Variants in BICRAL observed in about 807,000 individuals in gnomAD.
BICRAL encodes BICRA like chromatin remodeling complex associated protein, also known as BRD4-interacting chromatin-remodeling complex-associated protein-like.
BICRAL carries 8 observed loss-of-function variants against 91.8 expected under a neutral mutation model. The observed-to-expected ratio is 0.09, with a 90% CI of 0.05 to 0.16. The LOEUF is 0.16. Ranked by LOEUF, BICRAL falls within the 10% of genes least tolerant of loss-of-function variation. The probability of loss-of-function intolerance (pLI) is 1.00; values close to 1 mark genes in which losing one functional copy is unlikely to be tolerated. For synonymous variants in BICRAL, 445 were observed against 491.1 expected (o/e 0.91, Z 1.24); for missense variants, 1,038 against 1,310.9 (o/e 0.79, Z 3.21).
chr6:42,800,644 G>C (rs1201917357), intron 1 of BICRAL, among the ~76,000 whole-genome samples: 1 of 151,754 alleles, frequency 6.6e-6, no homozygotes, highest in Non-Finnish European at 1.5e-5. Context: ...CCGCCTCCTG[G>C]GTTCAAGAGA....
At chr6:42,855,639 A>C (rs2114025443) in intron 8 of BICRAL, among the ~76,000 whole-genome samples, 1 of 152,068 alleles carries the variant, frequency 6.6e-6, no homozygotes, top group South Asian at 2.1e-4. Flanking sequence ...TCAGGAACCG[A>C]TTATACACCT....
intron 6 of BICRAL, among the ~76,000 whole-genome samples, chr6:42,847,973 C>CA (rs1033633802): frequency 6.6e-6 from 1 of 151,852 alleles, no homozygotes; most frequent in Admixed American, 6.6e-5. Context: ...ACTAAAAATA[C>CA]AAAAAATTAG....
At chr6:42,785,720 A>G (rs762015934) in intron 1 of BICRAL, among the ~76,000 whole-genome samples, 4 of 152,178 alleles carry the variant, frequency 2.6e-5, no homozygotes, top group Non-Finnish European at 5.9e-5. Flanking sequence ...GGGAAGTAGG[A>G]TAGTCAAGTT....
intron 1 of BICRAL, among the ~76,000 whole-genome samples, chr6:42,761,183 G>A (rs1582800985): frequency 6.9e-6 from 1 of 145,086 alleles, no homozygotes; most frequent in Non-Finnish European, 1.6e-5. Flanking sequence ...ATAGGGCACC[G>A]GTGGCTCACG....
At chr6:42,764,098 C>T (rs188386105) in intron 1 of BICRAL, among the ~76,000 whole-genome samples, 2,074 of 150,708 alleles carry the variant, frequency 0.014, 57 homozygotes, top group African/African-American at 0.049. Flanking sequence ...AAAAATTAGC[C>T]GGGTGTGGTG....
At chr6:42,761,655 C>T (rs549495668) in intron 1 of BICRAL, among the ~76,000 whole-genome samples, 1 of 151,898 alleles carries the variant, frequency 6.6e-6, no homozygotes, top group Non-Finnish European at 1.5e-5. Context: ...TACTTGTAGT[C>T]CCAGAACTTT....
At chr6:42,823,880 C>T (rs1223790478) in intron 5 of BICRAL, among the ~76,000 whole-genome samples, 1 of 151,636 alleles carries the variant, frequency 6.6e-6, no homozygotes, top group East Asian at 1.9e-4. Context: ...GCCGAGATCC[C>T]GCCACTGCAT....
At chr6:42,811,803 G>A (rs894028281) in intron 2 of BICRAL, among the ~76,000 whole-genome samples, 1 of 152,082 alleles carries the variant, frequency 6.6e-6, no homozygotes, top group Non-Finnish European at 1.5e-5. Flanking sequence ...AGCTCACATA[G>A]GGCAGAGAAT....
chr6:42,819,902 G>T (rs954223483), intron 2 of BICRAL, among the ~76,000 whole-genome samples: 16 of 152,158 alleles, frequency 1.1e-4, no homozygotes, highest in Non-Finnish European at 2.2e-4. Context: ...CTGCTGATAG[G>T]GGGTAGATAT....
At chr6:42,835,547 TG>T (rs1764613077) in intron 6 of BICRAL, among the ~76,000 whole-genome samples, 1 of 151,324 alleles carries the variant, frequency 6.6e-6, no homozygotes, top group Non-Finnish European at 1.5e-5. Flanking sequence ...TTTAAACCAT[TG>T]TAAAAAAAAA....
At chr6:42,802,428 T>TTTG (rs1554277645) in intron 1 of BICRAL, among the ~76,000 whole-genome samples, 1,768 of 104,016 alleles carry the variant, frequency 0.017, 57 homozygotes, top group Admixed American at 0.1. Flanking sequence ...CGTGTTTTTT[T>TTTG]TTGTTGTTGT....
intron 1 of BICRAL, among the ~76,000 whole-genome samples, chr6:42,754,460 C>T (rs900591838): frequency 1.3e-5 from 2 of 152,184 alleles, no homozygotes; most frequent in African/African-American, 4.8e-5. Flanking sequence ...GTGTGAGCCA[C>T]CGTGCCATAC....
At chr6:42,826,266 G>A (rs1344846976) in intron 5 of BICRAL, among the ~76,000 whole-genome samples, 3 of 121,278 alleles carry the variant, frequency 2.5e-5, no homozygotes, top group East Asian at 2.2e-4. Context: ...CAAGAGTCTC[G>A]CTCTGTTGCC....
At chr6:42,755,651 G>A (rs372087927) in intron 1 of BICRAL, among the ~76,000 whole-genome samples, 5 of 150,750 alleles carry the variant, frequency 3.3e-5, no homozygotes, top group Middle Eastern at 3.5e-3. Context: ...CTGGGACCTC[G>A]AGCCACCAGT....
chr6:42,782,486 G>A (rs1762943446), intron 1 of BICRAL, among the ~76,000 whole-genome samples: 1 of 150,082 alleles, frequency 6.7e-6, no homozygotes, highest in Non-Finnish European at 1.5e-5. Flanking sequence ...TCGGGCGGGG[G>A]CGCAGGCGGG....
intron 2 of BICRAL, among the ~76,000 whole-genome samples, chr6:42,815,149 A>G (rs890836215): frequency 6.8e-6 from 1 of 147,826 alleles, no homozygotes; most frequent in Non-Finnish European, 1.5e-5. Flanking sequence ...CTAAGGGTGA[A>G]GTTTGGTTTT....
rs1254513892 is a variant in BICRAL, at chr6:42,867,194, G to C, written c.*1748G>C. On this transcript the variant is annotated 3_prime_UTR_variant, in exon 13 of 13. Coordinates refer to ENST00000314073, the MANE Select transcript of BICRAL (RefSeq NM_001393499.1). ...TGATGGAAAGGAAGGCTTCTAATTA[G>C]AAAACACAGCAACAGAAGACCTATA... is the stretch of plus-strand genomic sequence containing the variant. The C allele has an allele frequency of 4.8e-6, 1 of 209,776 alleles. No homozygotes were observed. The highest frequency in any genetic ancestry group is 9.8e-6 in the Non-Finnish European group (1 of 102,118). The allele number at this position is 209,776 out of a possible 1,614,324, so 13.0% of individuals were successfully genotyped here.
At chr6:42,748,153 CTG>C (rs1762317084) in intron 1 of BICRAL, among the ~76,000 whole-genome samples, 1 of 134,292 alleles carries the variant, frequency 7.4e-6, no homozygotes, top group Non-Finnish European at 1.5e-5. Context: ...TTTCACAAAA[CTG>C]TGGGTCTGAA....
At position 42,770,829 on chromosome 6, in the gene BICRAL, T is replaced by G. The variant is rs138065237; in HGVS notation, c.-260-11010T>G. Among the ~76,000 whole-genome samples, 558 of 151,984 alleles carry G rather than the reference T, an allele frequency of 3.7e-3. 8 individuals carry two copies. Among genetic ancestry groups the G allele is most frequent in the African/African-American group, 0.013 (522 of 41,388 alleles). ...CCTCAGCCTACCGTGTAGCTGGGAT[T>G]CCAGGTGCCCGCCACCACGCCCCGC... On this transcript the variant is annotated intron_variant, in intron 1 of 14. Coordinates refer to the BICRAL transcript ENST00000614467.
Sources: allele counts gnomAD v4.1 joint callset (sites outside exome capture counted in the v4.1 genomes callset), GRCh38; gene constraint gnomAD v4.1.1; transcripts MANE v1.5; gene names NCBI Gene and HGNC (gene_info 2026-07-23, HGNC 2026-07-21).